The following BCL11B variants were observed in gnomAD, a reference collection of about 807,000 sequenced individuals.
BCL11B encodes the protein B-cell lymphoma/leukemia 11B.
BCL11B carries 8 observed loss-of-function variants against 49.9 expected under a neutral mutation model. The ratio of observed to expected loss-of-function variants is 0.16; its 90% CI spans 0.09 to 0.29. The LOEUF (loss-of-function observed/expected upper bound fraction) is 0.29, where lower values mean the gene tolerates loss of function less well. Among genes scored for constraint, BCL11B ranks in the 10% least tolerant of loss-of-function variants. The pLI, the probability that BCL11B is intolerant of heterozygous loss-of-function variation, is 1.00. For missense variants in BCL11B, 1,006 were observed against 1,351.0 expected, an observed-to-expected ratio of 0.74 and a Z score of 4.00; for synonymous variants, 739 against 637.4, an observed-to-expected ratio of 1.16 and a Z score of -2.40.
At position 99,174,774 on chromosome 14, in the gene BCL11B, T is replaced by G; in HGVS notation, c.2062A>C (p.Ile688Leu). Residue 688 changes from isoleucine (I) to leucine (L), a missense_variant, in exon 4 of 4, where the codon ATC becomes CTC. Around this residue, in one of 6 missense-constraint regions of BCL11B, gnomAD observed 443 missense variants for 499.7 expected, o/e 0.89. Transcript: ENST00000357195. ...SPGLNSAAKRIKVEKDLELPP... is the reference protein window; with the variant it reads ...SPGLNSAAKRLKVEKDLELPP... ...AGCTCCAGGTCCTTCTCCACCTTGA[T>G]GCGCTTGGCGGCGCTGTTGAGCCCG... The G allele has an allele frequency of 1.4e-6, 2 of 1,476,444 alleles. No individual in the cohort carries two copies. The highest frequency in any genetic ancestry group is 1.8e-6 in the Non-Finnish European group (2 of 1,114,042). 91.5% of individuals were successfully genotyped at this position (1,476,444 alleles called of 1,614,324 possible).
At chr14:99,246,885 C>G (rs1323037458) in intron 2 of BCL11B, among the ~76,000 whole-genome samples, 1 of 152,148 alleles carries the variant, frequency 6.6e-6, no homozygotes, top group African/African-American at 2.4e-5. Context: ...AAGTTGCAAA[C>G]GTCGGGGAAA....
Position 99,174,146 on chromosome 14 carries a change from C to A in BCL11B, c.*5G>T. 6.2e-7 allele frequency: 1 copy of A among 1,609,964 alleles called. No individual in the cohort carries two copies. The highest frequency in any genetic ancestry group is 8.5e-7 in the Non-Finnish European group (1 of 1,179,572). ...TACAGGTGCGGGGCGCCGGGGCCCG[C>A]GCGCTTAGCTCCTCTCGGCCTGCTC... On this transcript the variant is annotated 3_prime_UTR_variant, in exon 4 of 4. Coordinates refer to ENST00000357195, the MANE Select transcript of BCL11B (RefSeq NM_138576.4).
chr14:99,231,503 T>A lies in BCL11B; in HGVS notation c.482A>T (p.His161Leu), dbSNP rs750583365. 7 of 1,597,708 alleles carry A rather than the reference T, an allele frequency of 4.4e-6. No individual in the cohort carries two copies. In the East Asian group the frequency reaches 1.6e-4, roughly 36 times the overall value. ...TGAAGTGATCACGGATGAGTGAGGG[T>A]GGGAGGAGGCAGCTATGGGGGCCAC... ...PAVAPIAASSHPHSSVITSPL... is the reference protein window; with the variant it reads ...PAVAPIAASSLPHSSVITSPL... The change falls in exon 3 of 4, where the codon CAC becomes CTC. Residue 161 changes from histidine (H) to leucine (L), a missense_variant. Coordinates refer to ENST00000357195, the MANE Select transcript of BCL11B (RefSeq NM_138576.4). This position sits in a 1 kb window ranked among gnomAD's most constrained non-coding sequence, Gnocchi z 8.1.
At chr14:99,181,029 GA>G (rs1886684621) in intron 3 of BCL11B, among the ~76,000 whole-genome samples, 1 of 152,136 alleles carries the variant, frequency 6.6e-6, no homozygotes, top group Non-Finnish European at 1.5e-5. Flanking sequence ...AAAGGTATCA[GA>G]GATGTTCAAT....
chr14:99,173,653 G>C lies in BCL11B; in HGVS notation c.*498C>G, dbSNP rs767786252. 6.4e-5 allele frequency: 14 copies of C among 217,798 alleles called. No individual in the cohort carries two copies. Among genetic ancestry groups the C allele is most frequent in the Non-Finnish European group, 1.1e-4 (12 of 109,604 alleles). The allele number at this position is 217,798 out of a possible 1,614,324, so 13.5% of individuals were successfully genotyped here. A position where few individuals can be genotyped will look rare whatever the true frequency, so the allele number is the denominator to read the frequency against. On this transcript the variant is annotated 3_prime_UTR_variant, in exon 4 of 4. Coordinates refer to ENST00000357195, the MANE Select transcript of BCL11B (RefSeq NM_138576.4). ...AATGAAAAAGTAAACAACTTTAAAA[G>C]TCATTTGAGTGTTGGCTTCTTCACA...
At chr14:99,237,800 A>G (rs1888548176) in intron 2 of BCL11B, among the ~76,000 whole-genome samples, 1 of 152,118 alleles carries the variant, frequency 6.6e-6, no homozygotes, top group South Asian at 2.1e-4. Flanking sequence ...CGGCTAGCTG[A>G]AAGACAGCAG....
At chr14:99,225,773 G>A (rs1251825284) in intron 3 of BCL11B, among the ~76,000 whole-genome samples, 2 of 152,314 alleles carry the variant, frequency 1.3e-5, no homozygotes, top group African/African-American at 4.8e-5. Flanking sequence ...CCTTCAGAAC[G>A]TCTGAAGGGC....
chr14:99,208,076 A>G (rs1463987085), intron 3 of BCL11B, among the ~76,000 whole-genome samples: 1 of 152,200 alleles, frequency 6.6e-6, no homozygotes, highest in African/African-American at 2.4e-5. Flanking sequence ...GTGGTAGCGG[A>G]CACAGGGCAG....
At position 99,175,055 on chromosome 14, in the gene BCL11B, ACCAGCG is replaced by A; in HGVS notation, c.1775_1780del (p.Ala592_Leu593del). The A allele has an allele frequency of 1.3e-6, 2 of 1,598,736 alleles. No individual in the cohort carries two copies. The highest frequency in any genetic ancestry group is 1.7e-6 in the Non-Finnish European group (2 of 1,177,198). On this transcript the variant is annotated inframe_deletion, in exon 4 of 4. Coordinates refer to ENST00000357195, the MANE Select transcript of BCL11B (RefSeq NM_138576.4). ...CACGTTCTCCATGACCTTGCCCAGC[ACCAGCG>A]CCTTCTCGTCAGCCAGCGCCTTGGC...
At chr14:99,269,343 CA>C (rs1213217221) in intron 1 of BCL11B, among the ~76,000 whole-genome samples, 1 of 152,032 alleles carries the variant, frequency 6.6e-6, no homozygotes, top group Non-Finnish European at 1.5e-5. Flanking sequence ...TGTCAACTGG[CA>C]AAAAAGACCT....
intron 3 of BCL11B, among the ~76,000 whole-genome samples, chr14:99,186,607 A>C (rs2139785984): frequency 6.6e-6 from 1 of 152,366 alleles, no homozygotes; most frequent in South Asian, 2.1e-4. Flanking sequence ...GGGACTCCAG[A>C]CTCAAAGAAA....
chr14:99,225,641 T>TA (rs543068701), intron 3 of BCL11B, among the ~76,000 whole-genome samples: 27 of 151,322 alleles, frequency 1.8e-4, no homozygotes, highest in African/African-American at 4.6e-4. Flanking sequence ...AGACAGCTAT[T>TA]AAAAAAAAAG....
Position 99,207,658 on chromosome 14 carries a change from C to A in BCL11B, c.640+23687G>T, listed in dbSNP as rs113992840. Among the ~76,000 whole-genome samples, 1,149 of 152,340 alleles carry A rather than the reference C, an allele frequency of 7.5e-3. 18 individuals are homozygous for A. The highest frequency in any genetic ancestry group is 0.026 in the African/African-American group (1,090 of 41,568). On this transcript the variant is annotated intron_variant, in intron 3 of 3. Coordinates refer to ENST00000357195, the MANE Select transcript of BCL11B (RefSeq NM_138576.4). ...AGAGGATGTGACATGACTTATCAGC[C>A]GGCCCAGAGGCAGGTGCAAGTGCTG...
chr14:99,255,973 C>A (rs562164847), intron 2 of BCL11B, among the ~76,000 whole-genome samples: 1 of 152,358 alleles, frequency 6.6e-6, no homozygotes, highest in East Asian at 1.9e-4. Context: ...CAGTGCCTGG[C>A]ATGAGGCTGC....
chr14:99,176,240 G>A (rs1447458393), intron 3 of BCL11B, 45 bp from the exon 4 acceptor site: 6 of 1,571,470 alleles, frequency 3.8e-6, no homozygotes, highest in Middle Eastern at 1.7e-4. Flanking sequence ...CGTGAGAAGC[G>A]GCAGCGGGGC....
At chr14:99,199,195 C>T (rs892439624) in intron 3 of BCL11B, among the ~76,000 whole-genome samples, 2 of 152,210 alleles carry the variant, frequency 1.3e-5, no homozygotes, top group African/African-American at 4.8e-5. Flanking sequence ...AAAACTGCTA[C>T]AAACCGAAGG....
At chr14:99,227,975 G>A (rs767015621) in intron 3 of BCL11B, among the ~76,000 whole-genome samples, 26 of 152,084 alleles carry the variant, frequency 1.7e-4, no homozygotes, top group Admixed American at 6.5e-4. Flanking sequence ...GGGAGGCAGG[G>A]CCCCCTGGGA....
At chr14:99,234,526 CGA>C (rs1888433556) in intron 2 of BCL11B, among the ~76,000 whole-genome samples, 1 of 152,086 alleles carries the variant, frequency 6.6e-6, no homozygotes, top group African/African-American at 2.4e-5. Flanking sequence ...CCTTGAGGAC[CGA>C]GAGGACTGGA....
intron 2 of BCL11B, among the ~76,000 whole-genome samples, chr14:99,236,645 T>C (rs1470204579): frequency 6.6e-6 from 1 of 152,058 alleles, no homozygotes; most frequent in East Asian, 1.9e-4. Context: ...TCCTGGAGGC[T>C]CAGGCCCTGG....
Sources: gnomAD v4.1 joint callset for allele counts (sites outside exome capture counted in the v4.1 genomes callset) on GRCh38, gnomAD v4.1.1 for gene constraint, gnomAD v4.1.1 regional missense constraint, Gnocchi (gnomAD v3.1) non-coding constraint, MANE v1.5 for transcripts, NCBI Gene and HGNC (gene_info 2026-07-23, HGNC 2026-07-21) for gene names.